The following CDON variants were observed in gnomAD, a reference collection of about 807,000 sequenced individuals.
The protein encoded by CDON is cell adhesion molecule-related/down-regulated by oncogenes.
In CDON, 73 loss-of-function variants were observed where a neutral mutation model predicts 120.9. The ratio of observed to expected loss-of-function variants is 0.60; its 90% CI spans 0.50 to 0.73. The LOEUF (loss-of-function observed/expected upper bound fraction) is 0.73. Ranked by LOEUF, CDON falls within the 30% of genes least tolerant of loss-of-function variation. The probability of loss-of-function intolerance (pLI) is 0.00; values close to 1 mark genes in which losing one functional copy is unlikely to be tolerated. For synonymous variants in CDON, 566 were observed against 573.5 expected (o/e 0.99, Z 0.19); for missense variants, 1,470 against 1,587.3 (o/e 0.93, Z 1.26).
chr11:126,019,606 C>T lies in CDON; in HGVS notation c.496+13G>A. ...TTCTGTGTGTGCCACCGGCTTTTCACAAAAGGTCTCACCTGTGGAATGTTC... is the reference window on the plus strand; with the variant it reads ...TTCTGTGTGTGCCACCGGCTTTTCATAAAAGGTCTCACCTGTGGAATGTTC... On this transcript the variant is annotated intron_variant, in intron 4 of 19. Transcript: ENST00000531738. 2 of 1,614,076 alleles carry T rather than the reference C, an allele frequency of 1.2e-6. No homozygotes were observed. Among genetic ancestry groups the T allele is most frequent in the Non-Finnish European group, 8.5e-7 (1 of 1,179,936 alleles).
chr11:126,041,610 C>T (rs1317291416), intron 1 of CDON, among the ~76,000 whole-genome samples: 4 of 152,308 alleles, frequency 2.6e-5, no homozygotes, highest in Middle Eastern at 3.4e-3. Context: ...AATAGGATAA[C>T]TTCTTAGGAT....
At chr11:125,986,232 G>A (rs1045196858) in intron 15 of CDON, among the ~76,000 whole-genome samples, 59 of 152,262 alleles carry the variant, frequency 3.9e-4, no homozygotes, top group African/African-American at 1.3e-3. Context: ...TCACTCATAG[G>A]TGGGAATTGA....
chr11:126,020,699 C>T (rs549399280), intron 3 of CDON, among the ~76,000 whole-genome samples: 9 of 152,358 alleles, frequency 5.9e-5, no homozygotes, highest in Admixed American at 2.0e-4. Flanking sequence ...AGAAAAACCA[C>T]GCATTCCAGA....
chr11:126,023,817 T>TA (rs1947707020), intron 1 of CDON, among the ~76,000 whole-genome samples: 1 of 152,250 alleles, frequency 6.6e-6, no homozygotes, highest in Admixed American at 6.5e-5. Context: ...CATTTCTACT[T>TA]ACACATCTCA....
chr11:125,968,164 A>G (rs904173602), intron 18 of CDON, among the ~76,000 whole-genome samples: 2 of 152,242 alleles, frequency 1.3e-5, no homozygotes, highest in Admixed American at 1.3e-4. Context: ...TCCCTACAAA[A>G]TATTAGAAAT....
chr11:126,023,382 T>A lies in CDON; in HGVS notation c.76+19A>T. 58 of 1,489,918 alleles carry A rather than the reference T, an allele frequency of 3.9e-5. No homozygotes were observed. Among genetic ancestry groups the A allele is most frequent in the Non-Finnish European group, 5.1e-5 (54 of 1,066,896 alleles). 92.3% of individuals were successfully genotyped at this position (1,489,918 alleles called of 1,614,324 possible). ...GATGAGTAAAGGCCAAACCACCCCC[T>A]CCCCAATTCTACTCTTACCTGAACT... On this transcript the variant is annotated intron_variant, in intron 2 of 19. Coordinates refer to ENST00000531738, the MANE Select transcript of CDON (RefSeq NM_001378964.1).
intron 1 of CDON, among the ~76,000 whole-genome samples, chr11:126,056,025 T>G (rs1948673184): frequency 6.6e-6 from 1 of 152,212 alleles, no homozygotes; most frequent in South Asian, 2.1e-4. Flanking sequence ...GTGGTGGGTA[T>G]GTAGCCTAGG....
At position 125,964,979 on chromosome 11, in the gene CDON, T is replaced by G. The variant is rs1246541832; in HGVS notation, c.3357-2981A>C. Among the ~76,000 whole-genome samples the G allele has an allele frequency of 2.0e-5, 3 of 152,114 alleles. No individual in the cohort carries two copies. The East Asian group carries it at 5.8e-4, about 29-fold the overall frequency. On this transcript the variant is annotated intron_variant, in intron 18 of 19. Transcript: ENST00000531738. ...TCTCGCTCCGTTGCCCAGGCTGGAG[T>G]GCAATGGAGTGATCTCAGTTCACTG... is the stretch of plus-strand genomic sequence containing the variant.
Position 126,001,558 on chromosome 11 carries a change from T to C in CDON, c.2158+161A>G, listed in dbSNP as rs519375. Among the ~76,000 whole-genome samples, 51,911 of 151,956 alleles carry C rather than the reference T, an allele frequency of 0.34. 9,152 individuals carry two copies. Among genetic ancestry groups the C allele is most frequent in the African/African-American group, 0.38 (15,746 of 41,416 alleles). ...AGTACTAATCATGATACTGAGATGC[T>C]AAAGTTTAAATATAGGACATTAAAA... On this transcript the variant is annotated intron_variant, in intron 11 of 19. Transcript: ENST00000531738.
chr11:125,981,351 G>A lies in CDON; in HGVS notation c.2996-22C>T, dbSNP rs1184291760. Reference sequence around the variant, plus strand: ...TATTCTGTTAAAAGAGAACAAAAAAGACACACACGCACACACACACACGCA... The same window carrying A: ...TATTCTGTTAAAAGAGAACAAAAAAAACACACACGCACACACACACACGCA... On this transcript the variant is annotated intron_variant, in intron 16 of 19. Coordinates refer to ENST00000531738, the MANE Select transcript of CDON (RefSeq NM_001378964.1). The A allele has an allele frequency of 1.9e-6, 3 of 1,604,480 alleles. No homozygotes were observed. The East Asian group carries it at 6.7e-5, about 36-fold the overall frequency.
chr11:126,000,476 A>G (rs547631706), intron 11 of CDON, among the ~76,000 whole-genome samples: 4 of 152,294 alleles, frequency 2.6e-5, no homozygotes, highest in Non-Finnish European at 5.9e-5. Context: ...CCAAAGCACT[A>G]GCATTACAGG....
chr11:126,040,495 A>C (rs1006574189), intron 1 of CDON, among the ~76,000 whole-genome samples: 8 of 152,206 alleles, frequency 5.3e-5, no homozygotes, highest in African/African-American at 1.9e-4. Flanking sequence ...AATTTTTAAA[A>C]AGTGATTATA....
intron 10 of CDON, among the ~76,000 whole-genome samples, chr11:126,003,543 G>A (rs1947019278): frequency 6.6e-6 from 1 of 152,042 alleles, no homozygotes; most frequent in Admixed American, 6.6e-5. Flanking sequence ...AATTCTGGTT[G>A]GGCACAGTGG....
At chr11:126,035,088 A>G (rs565397733) in intron 1 of CDON, among the ~76,000 whole-genome samples, 122 of 152,214 alleles carry the variant, frequency 8.0e-4, no homozygotes, top group Non-Finnish European at 1.5e-3. Context: ...GCACTGGACT[A>G]ACCTAAGTAT....
chr11:126,051,426 A>G (rs1591434415), intron 1 of CDON, among the ~76,000 whole-genome samples: 1 of 152,290 alleles, frequency 6.6e-6, no homozygotes, highest in South Asian at 2.1e-4. Context: ...CAAGGTTCAC[A>G]TTTAGAAATC....
intron 16 of CDON, among the ~76,000 whole-genome samples, chr11:125,981,963 C>CTTTTTTTTTTTTTTTTTTTTTTTTTTTT (rs1565501813): frequency 2.9e-5 from 1 of 34,134 alleles, no homozygotes; most frequent in Admixed American, 3.6e-4. Context: ...AAAAGTGATT[C>CTTTTTTTTTTTTTTTTTTTTTTTTTTTT]TATTTTCTTT....
intron 1 of CDON, among the ~76,000 whole-genome samples, chr11:126,060,910 T>C (rs971670778): frequency 6.6e-6 from 1 of 152,188 alleles, no homozygotes; most frequent in African/African-American, 2.4e-5. Context: ...AGTATCCAAG[T>C]CCTAAGGGTT....
chr11:126,022,214 A>C (rs1172918467), intron 2 of CDON, among the ~76,000 whole-genome samples: 1 of 152,126 alleles, frequency 6.6e-6, no homozygotes, highest in East Asian at 1.9e-4. Context: ...ATGACTTTCC[A>C]AATAAAAAGA....
rs1190562999 is a variant in CDON, at chr11:126,021,347, T to C, written c.250A>G (p.Ile84Val). 3.7e-6 allele frequency: 6 copies of C among 1,613,968 alleles called. No homozygotes were observed. The East Asian group carries it at 8.9e-5, about 24-fold the overall frequency. Reference sequence around the variant, plus strand: ...AAAAGAGAGGAGTTGAGAGAAAGAATTGTCAGAGTCCCCTGATGAATCTTA... The same window carrying C: ...AAAAGAGAGGAGTTGAGAGAAAGAACTGTCAGAGTCCCCTGATGAATCTTA... ...HVKIHQGTLT[I>V]LSLNSSLLGY... The change falls in exon 3 of 20, where the codon ATT becomes GTT. Residue 84 changes from isoleucine to valine, a missense_variant. Ile to Val is a conservative substitution (Grantham distance 29). Coordinates refer to ENST00000531738, the MANE Select transcript of CDON (RefSeq NM_001378964.1).
Sources: allele counts gnomAD v4.1 joint callset (sites outside exome capture counted in the v4.1 genomes callset), GRCh38; gene constraint gnomAD v4.1.1; transcripts MANE v1.5; gene names NCBI Gene and HGNC (gene_info 2026-07-23, HGNC 2026-07-21).